Variants in KCNN2 observed in about 807,000 individuals in gnomAD.
KCNN2 encodes potassium calcium-activated channel subfamily N member 2.
In KCNN2, 24 loss-of-function variants were observed where a neutral mutation model predicts 55.5. The observed-to-expected ratio is 0.43, with a 90% CI of 0.31 to 0.61. KCNN2 has a LOEUF of 0.61. Ranked by LOEUF, KCNN2 falls within the 20% of genes least tolerant of loss-of-function variation. The pLI is 0.08. For synonymous variants in KCNN2, 431 were observed against 336.1 expected, an observed-to-expected ratio of 1.28 and a Z score of -3.09; for missense variants, 754 against 853.6, an observed-to-expected ratio of 0.88 and a Z score of 1.45.
chr5:114,293,898 A>G (rs3101073), intron 2 of KCNN2, among the ~76,000 whole-genome samples: 83,946 of 151,840 alleles, frequency 0.55, 24,877 homozygotes, highest in Non-Finnish European at 0.66. Flanking sequence ...CAGAGATTCA[A>G]CTTCTTCCTG....
chr5:114,453,593 C>T (rs750100470), intron 3 of KCNN2, among the ~76,000 whole-genome samples: 1 of 152,126 alleles, frequency 6.6e-6, no homozygotes, highest in Admixed American at 6.6e-5. Context: ...TATTTCTTTT[C>T]TTCCACTGTC....
chr5:114,095,419 A>G (rs1305926689), intron 1 of KCNN2, among the ~76,000 whole-genome samples: 1 of 152,162 alleles, frequency 6.6e-6, no homozygotes, highest in African/African-American at 2.4e-5. Flanking sequence ...AGACATCCCT[A>G]TGAGCCTCAG....
At chr5:114,265,326 T>G (rs1378026603) in intron 2 of KCNN2, among the ~76,000 whole-genome samples, 1 of 642 alleles carries the variant, frequency 1.6e-3, no homozygotes, top group Non-Finnish European at 2.6e-3. Flanking sequence ...CAAGAGGAGG[T>G]GTGTGTGTGT....
At chr5:114,127,236 C>A (rs72797639) in intron 1 of KCNN2, among the ~76,000 whole-genome samples, 11,786 of 152,176 alleles carry the variant, frequency 0.077, 671 homozygotes, top group Non-Finnish European at 0.11. Flanking sequence ...GCTGGGGGCT[C>A]CGGCTCCACA....
chr5:114,093,940 G>GA (rs1751202115), intron 1 of KCNN2, among the ~76,000 whole-genome samples: 1 of 152,126 alleles, frequency 6.6e-6, no homozygotes, highest in Non-Finnish European at 1.5e-5. Context: ...GTTTATAGGT[G>GA]AAAAACTGAG....
chr5:114,485,091 G>A (rs546739183), intron 5 of KCNN2, among the ~76,000 whole-genome samples: 1 of 152,134 alleles, frequency 6.6e-6, no homozygotes, highest in African/African-American at 2.4e-5. Context: ...AAATAATTTG[G>A]CATTTGCTGT....
chr5:114,138,303 G>A (rs1752211372), intron 1 of KCNN2, among the ~76,000 whole-genome samples: 1 of 152,142 alleles, frequency 6.6e-6, no homozygotes, highest in African/African-American at 2.4e-5. Context: ...ACAACAAACA[G>A]CCTGAGCTCT....
At chr5:114,420,928 T>A (rs1024637525) in intron 3 of KCNN2, among the ~76,000 whole-genome samples, 4 of 152,222 alleles carry the variant, frequency 2.6e-5, no homozygotes, top group Non-Finnish European at 4.4e-5. Flanking sequence ...GTAAAAATAA[T>A]ATTCCCCTTC....
At chr5:114,064,224 C>G (rs1443486724) in intron 1 of KCNN2, among the ~76,000 whole-genome samples, 1 of 152,210 alleles carries the variant, frequency 6.6e-6, no homozygotes, top group African/African-American at 2.4e-5. Context: ...GTGCCTCTCA[C>G]TTTGTGCAGA....
chr5:114,090,311 A>G (rs1434249394), intron 1 of KCNN2, among the ~76,000 whole-genome samples: 1 of 152,164 alleles, frequency 6.6e-6, no homozygotes, highest in Non-Finnish European at 1.5e-5. Flanking sequence ...CTTCTGTGGC[A>G]CACTCAAGAT....
chr5:114,364,057 A>C, intron 2 of KCNN2, 56 bp downstream of exon 2: 1 of 1,330,252 alleles, frequency 7.5e-7, no homozygotes, highest in South Asian at 1.2e-5. Flanking sequence ...CAGCCTAGAG[A>C]AACGCAAGGC....
intron 2 of KCNN2, among the ~76,000 whole-genome samples, chr5:114,256,751 G>C (rs1253238893): frequency 2.6e-5 from 4 of 152,024 alleles, no homozygotes; most frequent in Non-Finnish European, 4.4e-5. Context: ...AGTTGTTTCA[G>C]TTCTTTGGAG....
chr5:114,453,424 T>G (rs1278091705), intron 3 of KCNN2, among the ~76,000 whole-genome samples: 1 of 152,236 alleles, frequency 6.6e-6, no homozygotes, highest in African/African-American at 2.4e-5. Context: ...TCTTAGAAAC[T>G]TTTTAAGATC....
rs370311843 is a variant in KCNN2 at position 114,362,806 on chromosome 5, A to T, written c.667A>T (p.Met223Leu). The T allele has an allele frequency of 1.3e-6, 2 of 1,597,784 alleles. No individual in the cohort carries two copies. The highest frequency in any genetic ancestry group is 1.7e-4 in the Middle Eastern group (1 of 6,040). ...CAGCTGCAGGTACAACGGGGGCGTC[A>T]TGCGGCCGCTCAGCAACTTGAGCGC... ...MSSCRYNGGVMRPLSNLSASR... is the reference protein window; with the variant it reads ...MSSCRYNGGVLRPLSNLSASR... Residue 223 changes from methionine to leucine, a missense_variant, in exon 1 of 8, where the codon ATG becomes TTG. By Grantham distance (15) the Met-to-Leu change is conservative. This residue lies in a region of KCNN2 where 381 missense variants were observed against 259.1 expected (regional missense o/e 1.47). Transcript: ENST00000673685.
At chr5:114,324,266 G>A (rs1044507423) in intron 2 of KCNN2, among the ~76,000 whole-genome samples, 1 of 152,202 alleles carries the variant, frequency 6.6e-6, no homozygotes, top group African/African-American at 2.4e-5. Context: ...GAACATGTGA[G>A]TATGTTACTT....
At chr5:114,408,844 C>T (rs1315960531) in intron 3 of KCNN2, among the ~76,000 whole-genome samples, 1 of 152,180 alleles carries the variant, frequency 6.6e-6, no homozygotes, top group African/African-American at 2.4e-5. Flanking sequence ...GCAAGCTGTG[C>T]CACATTCGCT....
chr5:114,062,295 G>A (rs139117568), intron 1 of KCNN2, among the ~76,000 whole-genome samples: 26 of 152,220 alleles, frequency 1.7e-4, no homozygotes, highest in Admixed American at 8.5e-4. Context: ...GCAGGGCAGC[G>A]CAAAGACCTC....
chr5:114,256,677 A>C (rs1754989418), intron 2 of KCNN2, among the ~76,000 whole-genome samples: 1 of 152,100 alleles, frequency 6.6e-6, no homozygotes, highest in African/African-American at 2.4e-5. Context: ...GTCTTCCTTG[A>C]AAAGTGTCTG....
chr5:114,478,669 T>A (rs1304300730), intron 5 of KCNN2, among the ~76,000 whole-genome samples: 1 of 151,918 alleles, frequency 6.6e-6, no homozygotes, highest in East Asian at 1.9e-4. Context: ...AGATCACTTA[T>A]GAAATAAAAC....
Sources: allele counts gnomAD v4.1 joint callset (sites outside exome capture counted in the v4.1 genomes callset), GRCh38; gene constraint gnomAD v4.1.1; regional missense constraint gnomAD v4.1.1; transcripts MANE v1.5; gene names NCBI Gene and HGNC (gene_info 2026-07-23, HGNC 2026-07-21).